PGPEP1: variants seen among roughly 807,000 people sequenced by gnomAD.
PGPEP1 encodes the protein pyroglutamyl-peptidase 1.
In PGPEP1, 15 loss-of-function variants were observed where a neutral mutation model predicts 24.1. The ratio of observed to expected loss-of-function variants is 0.62; its 90% CI spans 0.42 to 0.96. The LOEUF is 0.96. Among genes scored for constraint, PGPEP1 ranks in the 40% least tolerant of loss-of-function variants. PGPEP1 has a pLI of 0.00. For synonymous variants in PGPEP1, 122 were observed against 116.4 expected (o/e 1.05, Z -0.31); for missense variants, 242 against 273.4 (o/e 0.89, Z 0.81).
intron 2 of PGPEP1, among the ~76,000 whole-genome samples, chr19:18,353,179 A>C (rs1971086242): frequency 6.6e-6 from 1 of 151,318 alleles, no homozygotes; most frequent in Non-Finnish European, 1.5e-5. Context: ...TCAGCCTCCC[A>C]AAGTATTGGA....
At chr19:18,346,798 G>T (rs113641826) in intron 2 of PGPEP1, among the ~76,000 whole-genome samples, 35,596 of 150,744 alleles carry the variant, frequency 0.24, 4,736 homozygotes, top group Non-Finnish European at 0.27. Flanking sequence ...GTACCACCAC[G>T]CCCAGCTAAT....
At chr19:18,358,887 A>C (rs575523867) in intron 4 of PGPEP1, among the ~76,000 whole-genome samples, 1 of 152,182 alleles carries the variant, frequency 6.6e-6, no homozygotes, top group Non-Finnish European at 1.5e-5. Context: ...AAGTGCTGGG[A>C]TTATAGGCAT....
At chr19:18,342,405 A>G (rs1179588575) in intron 1 of PGPEP1, among the ~76,000 whole-genome samples, 1 of 152,164 alleles carries the variant, frequency 6.6e-6, no homozygotes, top group Non-Finnish European at 1.5e-5. Flanking sequence ...GTGTTTTGGA[A>G]AGGGGGCCTG....
At chr19:18,340,920 C>T (rs1195627747) in intron 1 of PGPEP1, among the ~76,000 whole-genome samples, 1 of 152,170 alleles carries the variant, frequency 6.6e-6, no homozygotes, top group Non-Finnish European at 1.5e-5. Context: ...GGAGTCAGGG[C>T]AGTCGGGCGC....
Position 18,340,614 on chromosome 19 carries a change from G to C in PGPEP1, c.-68G>C. On this transcript the variant is annotated 5_prime_UTR_variant, in exon 1 of 5. Coordinates refer to ENST00000269919, the MANE Select transcript of PGPEP1 (RefSeq NM_017712.4). ...GGGCGTGGCCTCGCGCGGCCGAGAG[G>C]CTGCAGCGGCAGCAGCTGTCGCGCC... is the stretch of plus-strand genomic sequence containing the variant. 1 of 1,439,182 alleles carries C rather than the reference G, an allele frequency of 6.9e-7. No individual in the cohort carries two copies. The highest frequency in any genetic ancestry group is 9.3e-7 in the Non-Finnish European group (1 of 1,077,780). The allele number at this position is 1,439,182 out of a possible 1,614,324, so 89.2% of individuals were successfully genotyped here. A position where few individuals can be genotyped will look rare whatever the true frequency, so the allele number is the denominator to read the frequency against.
rs1253222760 is a variant in PGPEP1, at chr19:18,369,701, T to C, written c.*6118T>C. ...GTTTTTATCTTGTCTTAAATTTCTT[T>C]CTAGGAAAAAACCCTTCCCTGCCAA... On this transcript the variant is annotated 3_prime_UTR_variant, in exon 5 of 5. Transcript: ENST00000269919. 1 of 152,030 alleles carries C rather than the reference T, an allele frequency of 6.6e-6. No individual in the cohort carries two copies. The highest frequency in any genetic ancestry group is 2.4e-5 in the African/African-American group (1 of 41,404). 9.4% of individuals were successfully genotyped at this position (152,030 alleles called of 1,614,324 possible).
At chr19:18,340,760 A>G in intron 1 of PGPEP1, 45 bp downstream of exon 1, 1 of 1,379,052 alleles carries the variant, frequency 7.3e-7, no homozygotes, top group Non-Finnish European at 9.5e-7. Context: ...CCGGGGGCAG[A>G]GGCGGGGGCG....
chr19:18,346,633 CT>C (rs775309565), intron 2 of PGPEP1, among the ~76,000 whole-genome samples: 1,962 of 79,482 alleles, frequency 0.025, 15 homozygotes, highest in East Asian at 0.2. Context: ...CTGTTTCTCT[CT>C]TTTTTTTTTT....
chr19:18,341,360 C>A (rs368332966), intron 1 of PGPEP1, among the ~76,000 whole-genome samples: 118 of 152,260 alleles, frequency 7.7e-4, no homozygotes, highest in African/African-American at 2.7e-3. Flanking sequence ...ACCGACTCCC[C>A]CCCACCCCCA....
intron 2 of PGPEP1, among the ~76,000 whole-genome samples, chr19:18,344,803 G>A (rs1970786796): frequency 6.6e-6 from 1 of 152,002 alleles, no homozygotes; most frequent in Non-Finnish European, 1.5e-5. Context: ...ACACAAAGCC[G>A]GGTGTCTGAA....
rs538330609 is a variant in PGPEP1 at position 18,343,228 on chromosome 19, G to A, written c.87+317G>A. On this transcript the variant is annotated intron_variant, in intron 2 of 4. Transcript: ENST00000269919. ...TTGGCCAGGCTGGTCTCGAACTCCT[G>A]ACCTCAAGTAATCCTCCTGCCTCAG... is the stretch of plus-strand genomic sequence containing the variant. 2.0e-5 allele frequency among the ~76,000 whole-genome samples: 3 copies of A among 152,138 alleles called. 1 individual carries two copies. In the South Asian group the frequency reaches 6.2e-4, roughly 32 times the overall value.
intron 2 of PGPEP1, among the ~76,000 whole-genome samples, chr19:18,351,886 A>G (rs2144550960): frequency 6.6e-6 from 1 of 151,900 alleles, no homozygotes; most frequent in East Asian, 1.9e-4. Context: ...GCACTTTGAG[A>G]GGCCAAGGGG....
intron 4 of PGPEP1, 29 bp from the exon 5 acceptor site, chr19:18,363,362 T>C (rs1971404844): frequency 6.3e-7 from 1 of 1,586,094 alleles, no homozygotes; most frequent in Non-Finnish European, 8.6e-7. Context: ...TTTTGGTCTC[T>C]CTCTTACCCG....
At chr19:18,348,272 G>A (rs183355609) in intron 2 of PGPEP1, among the ~76,000 whole-genome samples, 75 of 152,252 alleles carry the variant, frequency 4.9e-4, no homozygotes, top group African/African-American at 1.1e-3. Flanking sequence ...AGGAGGACCC[G>A]GGTCACAGAA....
chr19:18,356,124 C>T (rs186047587), intron 3 of PGPEP1, 113 bp downstream of exon 3: 101 of 696,352 alleles, frequency 1.5e-4, no homozygotes, highest in Non-Finnish European at 2.5e-4. Flanking sequence ...CAATGCCATA[C>T]AGCCTTGTCC....
intron 2 of PGPEP1, among the ~76,000 whole-genome samples, chr19:18,345,015 C>T (rs933545443): frequency 6.6e-6 from 1 of 151,826 alleles, no homozygotes; most frequent in Non-Finnish European, 1.5e-5. Flanking sequence ...TCTTTTTTTT[C>T]TGGAGACACA....
Position 18,363,404 on chromosome 19 carries a change from T to C in PGPEP1, c.451T>C (p.Phe151Leu), listed in dbSNP as rs1971408406. Residue 151 changes from phenylalanine to leucine, a missense_variant, in exon 5 of 5, where the codon TTT becomes CTT. Coordinates refer to ENST00000269919, the MANE Select transcript of PGPEP1 (RefSeq NM_017712.4). Reference sequence around the variant, plus strand: ...CCTGCGGCTTAGATATCTCTGCGACTTTACCTACTACACCTCTTTGTACCA... The same window carrying C: ...CCTGCGGCTTAGATATCTCTGCGACCTTACCTACTACACCTCTTTGTACCA... The part of the protein sequence containing the change: ...SQDAGRYLCD[F>L]TYYTSLYQSH... 1 of 1,608,952 alleles carries C rather than the reference T, an allele frequency of 6.2e-7. No homozygotes were observed. The highest frequency in any genetic ancestry group is 2.2e-5 in the East Asian group (1 of 44,696).
rs187291557 is a variant in PGPEP1, at chr19:18,346,510, G to T, written c.87+3599G>T. 2.4e-3 allele frequency among the ~76,000 whole-genome samples: 366 copies of T among 151,812 alleles called. 3 individuals carry two copies. Among genetic ancestry groups the T allele is most frequent in the African/African-American group, 8.3e-3 (344 of 41,374 alleles). On this transcript the variant is annotated intron_variant, in intron 2 of 4. Transcript: ENST00000269919. ...GTCTCTCCCCTCTTGCTCCCTCTGG[G>T]TCTCTCTCTGTCTCTTTCCTTTCTT...
In PGPEP1 at chr19:18,347,270, C is replaced by CTTTTTTTTTTTTTTTTTT. The variant is rs59936417; in HGVS notation, c.87+4360_87+4377dup. Among the ~76,000 whole-genome samples the CTTTTTTTTTTTTTTTTTT allele has an allele frequency of 1.1e-3, 108 of 94,406 alleles. 1 individual carries two copies. The highest frequency in any genetic ancestry group is 1.6e-3 in the Non-Finnish European group (80 of 51,304). The allele number at this position is 94,406 out of a possible 152,430, so 61.9% of individuals were successfully genotyped here. On this transcript the variant is annotated intron_variant, in intron 2 of 4. Transcript: ENST00000269919. ...CTAATTTTTTTTTCTTTCTTTCTTT[C>CTTTTTTTTTTTTTTTTTT]TTTTTTTTTTTTTTTTTTGTAGAGA... is the stretch of plus-strand genomic sequence containing the variant.
Sources: gnomAD v4.1 joint callset for allele counts (sites outside exome capture counted in the v4.1 genomes callset) on GRCh38, gnomAD v4.1.1 for gene constraint, MANE v1.5 for transcripts, NCBI Gene and HGNC (gene_info 2026-07-23, HGNC 2026-07-21) for gene names.